NRK: variants seen among roughly 807,000 people sequenced by gnomAD.
NRK encodes Nik related kinase, also known as nik-related protein kinase.
A neutral mutation model predicts 125.2 loss-of-function variants in NRK; 67 were observed. That is an observed-to-expected ratio of 0.54 (90% confidence interval 0.44 to 0.66). The LOEUF (loss-of-function observed/expected upper bound fraction) is 0.66, where lower values mean the gene tolerates loss of function less well. NRK is among the 30% of genes least tolerant of loss of function. The pLI is 0.00. For missense variants in NRK, 1,224 were observed against 1,192.9 expected (o/e 1.03, Z -0.38); for synonymous variants, 458 against 429.0 (o/e 1.07, Z -0.84).
intron 9 of NRK, among the ~76,000 whole-genome samples, chrX:105,903,727 A>T (rs1180268672): frequency 9.0e-6 from 1 of 111,455 alleles, no homozygotes; most frequent in African/African-American, 3.3e-5. Flanking sequence ...CCTTTCCGTT[A>T]AAGAAAACTT....
chrX:105,923,588 C>T, intron 18 of NRK, 106 bp downstream of exon 18: 1 of 490,527 alleles, frequency 2.0e-6, no homozygotes, highest in Non-Finnish European at 3.3e-6. Flanking sequence ...GACCTAATTT[C>T]ACTTGCATTT....
chrX:105,845,159 G>A (rs2039384388), intron 2 of NRK, among the ~76,000 whole-genome samples: 1 of 111,683 alleles, frequency 9.0e-6, no homozygotes, highest in Admixed American at 9.5e-5. Context: ...GAAACATGCA[G>A]AATGAGATGT....
In NRK at chrX:105,923,141, A is replaced by G. The variant is rs1307429862; in HGVS notation, c.2634A>G (p.Gly878=). The part of the protein sequence containing the change: ...DIHVPDGFKV[G]KISPPVYLTN... ...AGGTTCCAGATGGATTTAAAGTAGGAAAAATATCACCCCCTGTATACTTGA... is the reference window on the plus strand; with the variant it reads ...AGGTTCCAGATGGATTTAAAGTAGGGAAAATATCACCCCCTGTATACTTGA... Residue 878 remains glycine, a synonymous_variant, in exon 18 of 29, where the codon GGA becomes GGG. Coordinates refer to ENST00000243300, the MANE Select transcript of NRK (RefSeq NM_198465.4). The G allele has an allele frequency of 2.5e-6, 3 of 1,202,341 alleles. No homozygotes were observed. The South Asian group carries it at 5.3e-5, about 21-fold the overall frequency.
At chrX:105,948,006 CAAGTT>C (rs970252937) in intron 26 of NRK, among the ~76,000 whole-genome samples, 5 of 111,555 alleles carry the variant, frequency 4.5e-5, no homozygotes, top group African/African-American at 1.3e-4. Context: ...AACGTGAGGT[CAAGTT>C]AATTTTGATA....
At chrX:105,907,295 G>C (rs1407944640) in intron 11 of NRK, 1 of 111,318 alleles carries the variant, frequency 9.0e-6, no homozygotes, top group African/African-American at 3.3e-5. Flanking sequence ...TCCAGAAGAA[G>C]CCCCTGGGAA....
intron 1 of NRK, among the ~76,000 whole-genome samples, chrX:105,823,166 C>G (rs764201752): frequency 4.4e-5 from 5 of 112,526 alleles, no homozygotes; most frequent in Non-Finnish European, 9.4e-5. Flanking sequence ...GCTGCGGACC[C>G]TAAACAGCGG....
intron 6 of NRK, 112 bp downstream of exon 6, chrX:105,894,054 C>A: frequency 4.5e-6 from 2 of 442,765 alleles, no homozygotes; most frequent in Non-Finnish European, 7.3e-6. Context: ...CAAACATAAC[C>A]TGTGCATCAG....
At chrX:105,822,366 T>C (rs2039031892), upstream of NRK, among the ~76,000 whole-genome samples, 1 of 111,468 alleles carries the variant, frequency 9.0e-6, no homozygotes, top group Non-Finnish European at 1.9e-5. Context: ...TCGCAAACCG[T>C]TATAGTCCTT....
chrX:105,902,593 C>T (rs990117466), intron 9 of NRK, among the ~76,000 whole-genome samples: 1 of 112,000 alleles, frequency 8.9e-6, no homozygotes, highest in Admixed American at 9.5e-5. Context: ...GAAAGAATAA[C>T]TTCTCCTTGA....
At chrX:105,849,566 G>A (rs1021606709) in intron 2 of NRK, among the ~76,000 whole-genome samples, 1 of 111,979 alleles carries the variant, frequency 8.9e-6, no homozygotes, top group Admixed American at 9.4e-5. Flanking sequence ...CTGCCTATGA[G>A]CCTGTAAAAT....
intron 9 of NRK, among the ~76,000 whole-genome samples, chrX:105,902,608 A>G (rs2040173112): frequency 1.8e-5 from 2 of 111,946 alleles, no homozygotes; most frequent in African/African-American, 6.5e-5. Context: ...CCTTGATAGG[A>G]TGCCATGGGG....
At chrX:105,910,037 A>G (rs1356444119) in intron 13 of NRK, among the ~76,000 whole-genome samples, 155 bp downstream of exon 13, 1 of 112,161 alleles carries the variant, frequency 8.9e-6, no homozygotes, top group Non-Finnish European at 1.9e-5. Flanking sequence ...ATAAATTTTC[A>G]TGAAATTTCT....
At chrX:105,876,544 T>A (rs1219508432) in intron 2 of NRK, among the ~76,000 whole-genome samples, 1 of 111,566 alleles carries the variant, frequency 9.0e-6, no homozygotes, top group Non-Finnish European at 1.9e-5. Context: ...TCCACATTTA[T>A]AATTTACTAC....
intron 24 of NRK, 120 bp from the exon 25 acceptor site, chrX:105,945,752 T>C (rs2040803272): frequency 3.5e-6 from 2 of 574,025 alleles, no homozygotes; most frequent in East Asian, 6.7e-5. Flanking sequence ...TCTACCGTGA[T>C]CTGATCTTGG....
intron 15 of NRK, among the ~76,000 whole-genome samples, chrX:105,916,507 C>T (rs1256335015): frequency 9.0e-6 from 1 of 111,326 alleles, no homozygotes; most frequent in African/African-American, 3.2e-5. Flanking sequence ...TGAACACTCA[C>T]TATATTCAAG....
intron 4 of NRK, among the ~76,000 whole-genome samples, chrX:105,883,854 C>T (rs1006605697): frequency 8.9e-6 from 1 of 112,809 alleles, no homozygotes; most frequent in Non-Finnish European, 1.9e-5. Flanking sequence ...AGAGTGCGTA[C>T]GCACAAATAT....
intron 1 of NRK, among the ~76,000 whole-genome samples, chrX:105,823,637 C>T (rs1247661275): frequency 9.1e-6 from 1 of 110,397 alleles, no homozygotes; most frequent in East Asian, 2.8e-4. Flanking sequence ...GCCCAGCTTC[C>T]CTCTAGAGTT....
At chrX:105,900,419 T>G (rs1376390607) in intron 8 of NRK, among the ~76,000 whole-genome samples, 199 bp from the exon 9 acceptor site, 1 of 111,902 alleles carries the variant, frequency 8.9e-6, no homozygotes, top group Non-Finnish European at 1.9e-5. Context: ...CAACCTGTTG[T>G]GTAGTGAGGT....
intron 1 of NRK, 32 bp downstream of exon 1, chrX:105,822,934 T>C: frequency 9.0e-7 from 1 of 1,113,910 alleles, no homozygotes; most frequent in African/African-American, 1.8e-5. Flanking sequence ...CCCCCCGAAA[T>C]GCTCTCTTTT....
Sources: allele counts gnomAD v4.1 joint callset (sites outside exome capture counted in the v4.1 genomes callset), GRCh38; gene constraint gnomAD v4.1.1; transcripts MANE v1.5; gene names NCBI Gene and HGNC (gene_info 2026-07-23, HGNC 2026-07-21).